The following NR3C2 variants were observed in gnomAD, a reference collection of about 807,000 sequenced individuals.
The protein encoded by NR3C2 is mineralocorticoid receptor.
NR3C2 carries 15 observed loss-of-function variants against 86.4 expected under a neutral mutation model. The ratio of observed to expected loss-of-function variants is 0.17; its 90% CI spans 0.12 to 0.27. The LOEUF (loss-of-function observed/expected upper bound fraction) is 0.27. Ranked by LOEUF, NR3C2 falls within the 10% of genes least tolerant of loss-of-function variation. The probability of loss-of-function intolerance (pLI) is 1.00; values close to 1 mark genes in which losing one functional copy is unlikely to be tolerated. For missense variants in NR3C2, 960 were observed against 1,195.6 expected, an observed-to-expected ratio of 0.80 and a Z score of 2.91; for synonymous variants, 458 against 450.5, an observed-to-expected ratio of 1.02 and a Z score of -0.21.
rs934794953 is a variant in NR3C2, at chr4:148,118,298, A to G, written c.2641+1860T>C. 3.3e-5 allele frequency among the ~76,000 whole-genome samples: 5 copies of G among 152,198 alleles called. No homozygotes were observed. The South Asian group carries it at 1.0e-3, about 32-fold the overall frequency. On this transcript the variant is annotated intron_variant, in intron 7 of 8. Transcript: ENST00000358102. ...CATGCTGGCACCTGCACGATGCCTA[A>G]TGGTCAACTCCAGTGGCCTTCTGTC...
rs530797656 is a variant in NR3C2 at position 148,246,620 on chromosome 4, C to T, written c.1897+13358G>A. On this transcript the variant is annotated intron_variant, in intron 3 of 8. Transcript: ENST00000358102. ...AGGCTGGAGTGCAACGGCATGATCTCGGCTCACCGCAACCTCTGTCTCCCG... is the reference window on the plus strand; with the variant it reads ...AGGCTGGAGTGCAACGGCATGATCTTGGCTCACCGCAACCTCTGTCTCCCG... 7.2e-5 allele frequency among the ~76,000 whole-genome samples: 11 copies of T among 152,250 alleles called. No homozygotes were observed. In the East Asian group the frequency reaches 1.4e-3, roughly 19 times the overall value.
chr4:148,283,907 C>T (rs1046326961), intron 2 of NR3C2, among the ~76,000 whole-genome samples: 1 of 152,322 alleles, frequency 6.6e-6, no homozygotes, highest in Admixed American at 6.5e-5. Flanking sequence ...CAGGAGACAA[C>T]TGAGACTGCG....
At chr4:148,423,965 G>T (rs71616585) in intron 2 of NR3C2, among the ~76,000 whole-genome samples, 1 of 152,116 alleles carries the variant, frequency 6.6e-6, no homozygotes, top group South Asian at 2.1e-4. Flanking sequence ...TGCCCACCTA[G>T]GCCTCCCAAA....
chr4:148,318,711 T>G (rs1374289197), intron 2 of NR3C2, among the ~76,000 whole-genome samples: 1 of 147,876 alleles, frequency 6.8e-6, no homozygotes, highest in Non-Finnish European at 1.5e-5. Context: ...TCGCCCACTT[T>G]TTGATGGGGT....
At chr4:148,185,114 T>C (rs143125562) in intron 4 of NR3C2, among the ~76,000 whole-genome samples, 2 of 152,350 alleles carry the variant, frequency 1.3e-5, no homozygotes, top group East Asian at 3.9e-4. Flanking sequence ...GTAATCGCTT[T>C]CTTCTCACCA....
At chr4:148,199,604 G>A (rs1290057511) in intron 3 of NR3C2, among the ~76,000 whole-genome samples, 1 of 152,156 alleles carries the variant, frequency 6.6e-6, no homozygotes, top group Non-Finnish European at 1.5e-5. Flanking sequence ...CCCTGCAGAC[G>A]AGAGAAGGCA....
intron 8 of NR3C2, among the ~76,000 whole-genome samples, chr4:148,109,130 G>C (rs145806436): frequency 4.1e-4 from 63 of 152,276 alleles, no homozygotes; most frequent in Middle Eastern, 6.8e-3. Flanking sequence ...CTGTGGGGCT[G>C]TTTCTTCTTC....
chr4:148,130,789 TTTTTTTTTTG>T, intron 6 of NR3C2, among the ~76,000 whole-genome samples: 1 of 131,326 alleles, frequency 7.6e-6, no homozygotes, highest in East Asian at 2.7e-4. Flanking sequence ...ATGAACACGT[TTTTTTTTTTG>T]TTTTGTTTTG....
At chr4:148,420,795 C>A (rs1157054663) in intron 2 of NR3C2, among the ~76,000 whole-genome samples, 2 of 152,148 alleles carry the variant, frequency 1.3e-5, no homozygotes, top group Non-Finnish European at 2.9e-5. Context: ...CTCATGAGAT[C>A]TGGTTATTCA....
chr4:148,211,247 A>G (rs1248612637), intron 3 of NR3C2, among the ~76,000 whole-genome samples: 1 of 152,262 alleles, frequency 6.6e-6, no homozygotes, highest in Non-Finnish European at 1.5e-5. Flanking sequence ...CAAGTACTCC[A>G]GGAGATAAAT....
At chr4:148,191,818 C>T (rs1380847329) in intron 4 of NR3C2, among the ~76,000 whole-genome samples, 1 of 152,120 alleles carries the variant, frequency 6.6e-6, no homozygotes, top group East Asian at 1.9e-4. Context: ...AAAGTGTGTC[C>T]AAAGTTTCCA....
upstream of NR3C2, chr4:148,445,058 C>A (rs923335190): frequency 1.0e-6 from 1 of 954,802 alleles, no homozygotes; most frequent in Non-Finnish European, 1.2e-6. Context: ...GTCCGGCCAC[C>A]CGCGGGTGGG....
rs112460115 is a variant in NR3C2 at position 148,201,607 on chromosome 4, T to C, written c.1898-6745A>G. On this transcript the variant is annotated intron_variant, in intron 3 of 8. Coordinates refer to ENST00000358102, the MANE Select transcript of NR3C2 (RefSeq NM_000901.5). ...CCATTGCTACAGACATCCTCAACTA[T>C]AGACAGTAGTCAGCATGCACCATCT... 1.1e-4 allele frequency among the ~76,000 whole-genome samples: 16 copies of C among 152,238 alleles called. 1 individual carries two copies. The highest frequency in any genetic ancestry group is 3.4e-4 in the African/African-American group (14 of 41,512).
chr4:148,439,367 C>A (rs1750223277), intron 1 of NR3C2, among the ~76,000 whole-genome samples: 1 of 152,154 alleles, frequency 6.6e-6, no homozygotes, highest in Admixed American at 6.5e-5. Context: ...TGAACACTTT[C>A]TGCACATCTC....
chr4:148,313,767 C>T (rs1302119763), intron 2 of NR3C2, among the ~76,000 whole-genome samples: 3 of 152,140 alleles, frequency 2.0e-5, no homozygotes, highest in Admixed American at 6.5e-5. Flanking sequence ...GGCTTTCTTC[C>T]TGCTGTATGT....
chr4:148,284,284 G>A (rs1429998883), intron 2 of NR3C2, among the ~76,000 whole-genome samples: 1 of 152,056 alleles, frequency 6.6e-6, no homozygotes, highest in Non-Finnish European at 1.5e-5. Flanking sequence ...CTACTCTGAA[G>A]GAGTTGATAG....
At chr4:148,401,753 C>T (rs189643465) in intron 2 of NR3C2, among the ~76,000 whole-genome samples, 40 of 152,124 alleles carry the variant, frequency 2.6e-4, no homozygotes, top group African/African-American at 8.2e-4. Context: ...TGAGCCACCA[C>T]GCTCGGCCTA....
At chr4:148,426,430 G>T (rs1560728247) in intron 2 of NR3C2, among the ~76,000 whole-genome samples, 1 of 152,178 alleles carries the variant, frequency 6.6e-6, no homozygotes, top group Non-Finnish European at 1.5e-5. Flanking sequence ...TAGCTACTTT[G>T]TATGATACTG....
intron 3 of NR3C2, among the ~76,000 whole-genome samples, chr4:148,234,017 A>G (rs1738604006): frequency 6.6e-6 from 1 of 152,178 alleles, no homozygotes; most frequent in South Asian, 2.1e-4. Flanking sequence ...AAGGCACAAT[A>G]AACAAAGTAT....
Sources: gnomAD v4.1 joint callset for allele counts (sites outside exome capture counted in the v4.1 genomes callset) on GRCh38, gnomAD v4.1.1 for gene constraint, MANE v1.5 for transcripts, NCBI Gene and HGNC (gene_info 2026-07-23, HGNC 2026-07-21) for gene names.